The following PCDH11Y variants were observed in gnomAD, a reference collection of about 807,000 sequenced individuals.
PCDH11Y encodes the protein protocadherin 11 Y-linked, also known as protocadherin-11 Y-linked.
For synonymous variants in PCDH11Y, 9 were observed against 83.6 expected, an observed-to-expected ratio of 0.11 and a Z score of 4.87; for missense variants, 12 against 224.8, an observed-to-expected ratio of 0.05 and a Z score of 6.05.
chrY:5,194,196 G>T (rs2052915929), intron 2 of PCDH11Y, among the ~76,000 whole-genome samples: 2 of 31,973 alleles, frequency 6.3e-5, no homozygotes, highest in Non-Finnish European at 1.5e-4. Context: ...AACACTTTGG[G>T]AGTCTGAAGG....
At chrY:5,069,610 A>AT (rs2052695830) in intron 1 of PCDH11Y, among the ~76,000 whole-genome samples, 11 of 28,471 alleles carry the variant, frequency 3.9e-4, no homozygotes, top group Middle Eastern at 0.016. Context: ...TAAGAGAGGA[A>AT]TTTTTTTTTT....
At chrY:5,147,983 G>A in intron 2 of PCDH11Y, among the ~76,000 whole-genome samples, 1 of 33,636 alleles carries the variant, frequency 3.0e-5, no homozygotes, top group Non-Finnish European at 7.4e-5. Context: ...TTTGTATTGC[G>A]TTAAGCCACT....
intron 2 of PCDH11Y, among the ~76,000 whole-genome samples, chrY:5,490,874 G>T: frequency 5.9e-5 from 2 of 34,070 alleles, no homozygotes; most frequent in African/African-American, 1.1e-4. Context: ...TCCAATTTTG[G>T]AGCAAAGTTG....
At chrY:5,491,659 T>A in intron 2 of PCDH11Y, among the ~76,000 whole-genome samples, 1 of 28,871 alleles carries the variant, frequency 3.5e-5, no homozygotes, top group African/African-American at 1.4e-4. Context: ...GAGCCAGGGC[T>A]GTGACACCCT....
intron 2 of PCDH11Y, among the ~76,000 whole-genome samples, chrY:5,312,446 T>C: frequency 1.7e-4 from 5 of 29,677 alleles, no homozygotes; most frequent in Non-Finnish European, 3.9e-4. Context: ...TAATGAGTTA[T>C]GCTGAATGAT....
intron 2 of PCDH11Y, among the ~76,000 whole-genome samples, chrY:5,389,617 A>G: frequency 6.2e-5 from 2 of 32,045 alleles, no homozygotes; most frequent in African/African-American, 2.5e-4. Context: ...CATGGGAGGA[A>G]CACGGCGGGA....
chrY:5,364,941 G>T lies in PCDH11Y; in HGVS notation c.3130-136116G>T, dbSNP rs1190622054. ...TTCAAAAATTTTTAATATTTACTAG[G>T]CTATGTTATAGAATATGGTTAACTT... On this transcript the variant is annotated intron_variant, in intron 2 of 4. Coordinates refer to the PCDH11Y transcript ENST00000400457. Among the ~76,000 whole-genome samples the T allele has an allele frequency of 1.5e-4, 5 of 32,810 alleles. No individual in the cohort carries two copies. The East Asian group carries it at 4.0e-3, about 26-fold the overall frequency. 88.0% of individuals were successfully genotyped at this position (32,810 alleles called of 37,273 possible). A position where few individuals can be genotyped will look rare whatever the true frequency, so the allele number is the denominator to read the frequency against.
chrY:5,709,014 G>C, intron 4 of PCDH11Y, among the ~76,000 whole-genome samples: 1 of 32,598 alleles, frequency 3.1e-5, no homozygotes, highest in African/African-American at 1.2e-4. Flanking sequence ...AAGATCTGCA[G>C]CTTCCCCAAT....
chrY:5,138,482 AAACAAATGG>A (rs2052843753), intron 2 of PCDH11Y, among the ~76,000 whole-genome samples: 1 of 33,394 alleles, frequency 3.0e-5, no homozygotes, highest in Admixed American at 2.7e-4. Context: ...TTGAAAAGAT[AAACAAATGG>A]ATGGACCGTT....
chrY:5,722,612 A>G, intron 4 of PCDH11Y, among the ~76,000 whole-genome samples: 1 of 31,962 alleles, frequency 3.1e-5, no homozygotes, highest in Admixed American at 2.9e-4. Context: ...TTGGAGGGAA[A>G]AAAAAGACTT....
chrY:5,088,426 A>G (rs2052735304), intron 1 of PCDH11Y, among the ~76,000 whole-genome samples: 1 of 33,554 alleles, frequency 3.0e-5, no homozygotes, highest in Non-Finnish European at 7.4e-5. Flanking sequence ...ATATTAATGG[A>G]AATTTTAGTT....
intron 4 of PCDH11Y, among the ~76,000 whole-genome samples, chrY:5,670,616 AT>A (rs2053548207): frequency 3.7e-4 from 11 of 29,819 alleles, no homozygotes. Context: ...TCTTTTGCCC[AT>A]TTTTTTTTTG....
intron 1 of PCDH11Y, among the ~76,000 whole-genome samples, chrY:5,015,500 G>GA (rs2052560264): frequency 3.0e-5 from 1 of 33,067 alleles, no homozygotes; most frequent in Non-Finnish European, 7.4e-5. Context: ...TTTCTTTGCA[G>GA]AAAAAAATAC....
At chrY:5,205,670 A>G (rs2052931549) in intron 2 of PCDH11Y, among the ~76,000 whole-genome samples, 1 of 26,617 alleles carries the variant, frequency 3.8e-5, no homozygotes, top group Non-Finnish European at 8.5e-5. Context: ...AAATATATAT[A>G]TATATATATA....
chrY:5,316,734 G>T, intron 2 of PCDH11Y, among the ~76,000 whole-genome samples: 3 of 32,840 alleles, frequency 9.1e-5, no homozygotes. Context: ...TAGGAATTTG[G>T]GCAAGATAAA....
At chrY:5,594,925 C>A (rs2053466051) in intron 4 of PCDH11Y, among the ~76,000 whole-genome samples, 33 of 32,970 alleles carry the variant, frequency 1.0e-3, no homozygotes, top group African/African-American at 3.7e-3. Context: ...CCTCTGCACT[C>A]CTCACTGGAT....
chrY:5,214,174 A>T, intron 2 of PCDH11Y, among the ~76,000 whole-genome samples: 1 of 33,295 alleles, frequency 3.0e-5, no homozygotes, highest in Non-Finnish European at 7.4e-5. Context: ...GAAACAATAC[A>T]GAATGTAAAT....
intron 4 of PCDH11Y, among the ~76,000 whole-genome samples, chrY:5,592,850 T>C: frequency 1.0e-4 from 3 of 29,870 alleles, no homozygotes; most frequent in Admixed American, 3.1e-4. Flanking sequence ...CCTCAATCTT[T>C]TCTGGCTTGT....
intron 2 of PCDH11Y, among the ~76,000 whole-genome samples, chrY:5,236,706 C>A (rs2052975737): frequency 3.3e-5 from 1 of 30,696 alleles, no homozygotes; most frequent in East Asian, 8.4e-4. Context: ...GTGGTGAATA[C>A]ATAGAACAGA....
Sources: gnomAD v4.1 joint callset for allele counts (sites outside exome capture counted in the v4.1 genomes callset) on GRCh38, gnomAD v4.1.1 for gene constraint, MANE v1.5 for transcripts, NCBI Gene and HGNC (gene_info 2026-07-23, HGNC 2026-07-21) for gene names.